SLIT2: variants seen among roughly 807,000 people sequenced by gnomAD.
SLIT2 encodes slit guidance ligand 2.
A neutral mutation model predicts 185.7 loss-of-function variants in SLIT2; 41 were observed. The observed-to-expected ratio is 0.22, with a 90% CI of 0.17 to 0.29. The LOEUF (loss-of-function observed/expected upper bound fraction) is 0.29, where lower values mean the gene tolerates loss of function less well. SLIT2 is among the 10% of genes least tolerant of loss of function. The probability of loss-of-function intolerance (pLI) is 1.00; values close to 1 mark genes in which losing one functional copy is unlikely to be tolerated. For synonymous variants in SLIT2, 693 were observed against 680.2 expected, an observed-to-expected ratio of 1.02 and a Z score of -0.29; for missense variants, 1,571 against 1,909.0, an observed-to-expected ratio of 0.82 and a Z score of 3.30.
At chr4:20,288,104 A>G (rs1054029180) in intron 4 of SLIT2, among the ~76,000 whole-genome samples, 3 of 152,208 alleles carry the variant, frequency 2.0e-5, no homozygotes, top group Admixed American at 2.0e-4. Flanking sequence ...TTCCAGGTAA[A>G]CAATCATGGC....
At chr4:20,380,470 A>T (rs925897325) in intron 4 of SLIT2, among the ~76,000 whole-genome samples, 3 of 152,158 alleles carry the variant, frequency 2.0e-5, no homozygotes, top group African/African-American at 7.2e-5. Flanking sequence ...AAAGTTTCAG[A>T]TAGCACTGAA....
chr4:20,468,393 CTT>C (rs756719013), intron 5 of SLIT2, among the ~76,000 whole-genome samples: 107 of 152,150 alleles, frequency 7.0e-4, no homozygotes, highest in South Asian at 1.7e-3. Flanking sequence ...AAAATTATGT[CTT>C]TCCCTTTGTG....
At chr4:20,409,758 C>G (rs1465317699) in intron 4 of SLIT2, among the ~76,000 whole-genome samples, 1 of 152,124 alleles carries the variant, frequency 6.6e-6, no homozygotes, top group East Asian at 1.9e-4. Flanking sequence ...TTAATAATAG[C>G]TATTCTTACT....
chr4:20,381,210 G>A lies in SLIT2; in HGVS notation c.396-86542G>A, dbSNP rs577999152. On this transcript the variant is annotated intron_variant, in intron 4 of 36. Coordinates refer to ENST00000504154, the MANE Select transcript of SLIT2 (RefSeq NM_004787.4). Reference sequence around the variant, plus strand: ...GGAGGTTGCAGTGAGCTGAGGTTGCGCAACTGGGCTCCAGCTTGGGTGACA... The same window carrying A: ...GGAGGTTGCAGTGAGCTGAGGTTGCACAACTGGGCTCCAGCTTGGGTGACA... Among the ~76,000 whole-genome samples, 11 of 152,088 alleles carry A rather than the reference G, an allele frequency of 7.2e-5. No homozygotes were observed. The South Asian group carries it at 1.0e-3, about 14-fold the overall frequency.
chr4:20,591,358 CA>C (rs1219177187), intron 30 of SLIT2, among the ~76,000 whole-genome samples: 1 of 152,120 alleles, frequency 6.6e-6, no homozygotes, highest in Non-Finnish European at 1.5e-5. Flanking sequence ...GCCAGATCCC[CA>C]CTGCTTTTCA....
At chr4:20,599,595 C>A (rs1728257340) in intron 33 of SLIT2, among the ~76,000 whole-genome samples, 1 of 152,086 alleles carries the variant, frequency 6.6e-6, no homozygotes, top group Non-Finnish European at 1.5e-5. Context: ...TTTGTCAAAA[C>A]AGGATTTCAT....
chr4:20,312,676 G>C (rs1162266220), intron 4 of SLIT2, among the ~76,000 whole-genome samples: 1 of 150,742 alleles, frequency 6.6e-6, no homozygotes, highest in African/African-American at 2.4e-5. Context: ...GGGAGGCTGA[G>C]GCAGGGAAAT....
At position 20,619,020 on chromosome 4, in the gene SLIT2, G is replaced by T; in HGVS notation, c.*11G>T. 1 of 1,604,060 alleles carries T rather than the reference G, an allele frequency of 6.2e-7. No homozygotes were observed. Among genetic ancestry groups the T allele is most frequent in the Non-Finnish European group, 8.5e-7 (1 of 1,171,492 alleles). On this transcript the variant is annotated 3_prime_UTR_variant, in exon 37 of 37. Transcript: ENST00000504154. The stretch of plus-strand genomic sequence containing the variant: ...AGGTGTGTGTCCTAAACACACTCCC[G>T]GCAGCTCTGTCTTTGGAAAAGGTTG...
At chr4:20,329,316 T>G (rs980898156) in intron 4 of SLIT2, among the ~76,000 whole-genome samples, 26 of 151,910 alleles carry the variant, frequency 1.7e-4, no homozygotes, top group African/African-American at 6.3e-4. Flanking sequence ...TATAATAAGA[T>G]GATTATATTA....
At chr4:20,301,475 C>T (rs535443937) in intron 4 of SLIT2, among the ~76,000 whole-genome samples, 76 of 152,146 alleles carry the variant, frequency 5.0e-4, no homozygotes, top group African/African-American at 1.7e-3. Context: ...CACCAATGGC[C>T]AGGCATTAAC....
At chr4:20,568,143 T>G (rs1725258923) in intron 28 of SLIT2, among the ~76,000 whole-genome samples, 1 of 152,108 alleles carries the variant, frequency 6.6e-6, no homozygotes, top group Non-Finnish European at 1.5e-5. Context: ...TCATGAATTA[T>G]GAACTGGAGC....
At chr4:20,271,197 T>TAA (rs1387342737) in intron 4 of SLIT2, among the ~76,000 whole-genome samples, 1 of 151,756 alleles carries the variant, frequency 6.6e-6, no homozygotes, top group African/African-American at 2.4e-5. Flanking sequence ...AATGCTCATT[T>TAA]AAAAACATAT....
At position 20,527,666 on chromosome 4, in the gene SLIT2, C is replaced by G. The variant is rs138201414; in HGVS notation, c.1463-1283C>G. Among the ~76,000 whole-genome samples, 35 of 152,226 alleles carry G rather than the reference C, an allele frequency of 2.3e-4. 1 individual carries two copies. Among genetic ancestry groups the G allele is most frequent in the African/African-American group, 7.9e-4 (33 of 41,524 alleles). On this transcript the variant is annotated intron_variant, in intron 15 of 36. Coordinates refer to ENST00000504154, the MANE Select transcript of SLIT2 (RefSeq NM_004787.4). ...TTACATTGGTTTTCTTGTGAGACCACCGTGCTTCAAAATATTATTTATAAA... is the reference window on the plus strand; with the variant it reads ...TTACATTGGTTTTCTTGTGAGACCAGCGTGCTTCAAAATATTATTTATAAA...
chr4:20,283,927 C>T (rs1027440053), intron 4 of SLIT2, among the ~76,000 whole-genome samples: 2 of 152,080 alleles, frequency 1.3e-5, no homozygotes, highest in Admixed American at 1.3e-4. Flanking sequence ...CTATTCTTCT[C>T]CTTTGGTTTC....
In SLIT2 at chr4:20,554,043, CA is replaced by C. The variant is rs934903216; in HGVS notation, c.2725+77del. ...AAAAAAGAAAAAGACAACCAATTGT[CA>C]ATCCAAAGGTATGGTTGAAATGCCC... On this transcript the variant is annotated intron_variant, in intron 26 of 36. Transcript: ENST00000504154. The C allele has an allele frequency of 2.4e-6, 3 of 1,233,016 alleles. No individual in the cohort carries two copies. In the African/African-American group the frequency reaches 4.6e-5, roughly 19 times the overall value. The allele number at this position is 1,233,016 out of a possible 1,614,324, so 76.4% of individuals were successfully genotyped here. A position where few individuals can be genotyped will look rare whatever the true frequency, so the allele number is the denominator to read the frequency against.
At chr4:20,359,605 G>A (rs1560351032) in intron 4 of SLIT2, among the ~76,000 whole-genome samples, 1 of 152,012 alleles carries the variant, frequency 6.6e-6, no homozygotes, top group East Asian at 1.9e-4. Context: ...GGTAAGCAAA[G>A]CTTAGGTCTT....
chr4:20,260,144 C>T (rs958796876), intron 3 of SLIT2, among the ~76,000 whole-genome samples: 3 of 151,854 alleles, frequency 2.0e-5, no homozygotes, highest in African/African-American at 7.2e-5. Flanking sequence ...ACTACAAAAA[C>T]CCCAAAACTA....
chr4:20,487,462 C>T (rs1413477406), intron 7 of SLIT2, among the ~76,000 whole-genome samples: 3 of 152,100 alleles, frequency 2.0e-5, no homozygotes, highest in Non-Finnish European at 4.4e-5. Flanking sequence ...TTGACAGTGT[C>T]CCTTATTTTC....
intron 4 of SLIT2, among the ~76,000 whole-genome samples, chr4:20,437,311 G>A (rs1729412375): frequency 6.6e-6 from 1 of 151,990 alleles, no homozygotes; most frequent in East Asian, 1.9e-4. Flanking sequence ...TCTCCTTGTT[G>A]AAGGCAAAAA....
Sources: gnomAD v4.1 joint callset for allele counts (sites outside exome capture counted in the v4.1 genomes callset) on GRCh38, gnomAD v4.1.1 for gene constraint, MANE v1.5 for transcripts, NCBI Gene and HGNC (gene_info 2026-07-23, HGNC 2026-07-21) for gene names.